The following ATP6V1H variants were observed in gnomAD, a reference collection of about 807,000 sequenced individuals.
ATP6V1H encodes ATPase H+ transporting V1 subunit H, also known as V-type proton ATPase subunit H.
Under a neutral mutation model 71.7 loss-of-function variants are expected in ATP6V1H, and 39 were observed. The observed-to-expected ratio is 0.54, with a 90% CI of 0.42 to 0.71. The LOEUF (loss-of-function observed/expected upper bound fraction) is 0.71. Ranked by LOEUF, ATP6V1H falls within the 30% of genes least tolerant of loss-of-function variation. The pLI, the probability that ATP6V1H is intolerant of heterozygous loss-of-function variation, is 0.00. For missense variants in ATP6V1H, 509 were observed against 594.9 expected, an observed-to-expected ratio of 0.86 and a Z score of 1.50; for synonymous variants, 192 against 199.3, an observed-to-expected ratio of 0.96 and a Z score of 0.31.
intron 9 of ATP6V1H, among the ~76,000 whole-genome samples, chr8:53,786,238 C>T (rs75359312): frequency 6.6e-6 from 1 of 152,206 alleles, no homozygotes; most frequent in African/African-American, 2.4e-5. Context: ...TCGGCAATGG[C>T]GGGCACCCCT....
At position 53,767,958 on chromosome 8, in the gene ATP6V1H, C is replaced by T. The variant is rs193174709; in HGVS notation, c.1175+1660G>A. On this transcript the variant is annotated intron_variant, in intron 11 of 13. Coordinates refer to ENST00000359530, the MANE Select transcript of ATP6V1H (RefSeq NM_015941.4). Reference sequence around the variant, plus strand: ...ATTAGACTTGATCGAAATTTTAAAACTTTTGTGCTTCAAAGGACACTATCA... The same window carrying T: ...ATTAGACTTGATCGAAATTTTAAAATTTTTGTGCTTCAAAGGACACTATCA... Among the ~76,000 whole-genome samples, 334 of 152,252 alleles carry T rather than the reference C, an allele frequency of 2.2e-3. 2 individuals carry two copies. The highest frequency in any genetic ancestry group is 7.8e-3 in the African/African-American group (323 of 41,558).
intron 9 of ATP6V1H, among the ~76,000 whole-genome samples, chr8:53,792,420 A>G (rs909570942): frequency 6.6e-6 from 1 of 152,092 alleles, no homozygotes; most frequent in Non-Finnish European, 1.5e-5. Flanking sequence ...CACACTGAAC[A>G]CCACTCCTCC....
intron 3 of ATP6V1H, among the ~76,000 whole-genome samples, chr8:53,830,795 C>T (rs1357159931): frequency 6.6e-6 from 1 of 152,178 alleles, no homozygotes; most frequent in Non-Finnish European, 1.5e-5. Context: ...AGGGAAAAGT[C>T]TTGTCTTATT....
intron 13 of ATP6V1H, among the ~76,000 whole-genome samples, chr8:53,738,402 G>T (rs762852202): frequency 1.3e-5 from 2 of 152,022 alleles, no homozygotes; most frequent in African/African-American, 2.4e-5. Flanking sequence ...AGAAGGAAGA[G>T]AAAGCAATGA....
At chr8:53,765,124 C>T (rs138650566) in intron 11 of ATP6V1H, among the ~76,000 whole-genome samples, 2 of 151,980 alleles carry the variant, frequency 1.3e-5, no homozygotes, top group East Asian at 3.9e-4. Context: ...CGGGGGAAGG[C>T]CAGGCATGGT....
At chr8:53,779,373 C>T (rs1809012545) in intron 9 of ATP6V1H, among the ~76,000 whole-genome samples, 1 of 151,820 alleles carries the variant, frequency 6.6e-6, no homozygotes, top group Non-Finnish European at 1.5e-5. Context: ...AGACCAGTAA[C>T]TTTCTAATTT....
intron 13 of ATP6V1H, among the ~76,000 whole-genome samples, chr8:53,727,083 G>A (rs1563437715): frequency 6.6e-6 from 1 of 152,188 alleles, no homozygotes; most frequent in African/African-American, 2.4e-5. Context: ...CTAGTAGAAG[G>A]AGTATCGGCA....
intron 12 of ATP6V1H, among the ~76,000 whole-genome samples, chr8:53,747,328 C>T (rs1384532245): frequency 6.6e-6 from 1 of 152,086 alleles, no homozygotes; most frequent in Non-Finnish European, 1.5e-5. Flanking sequence ...GCAATATACC[C>T]TCTAGAGTTA....
chr8:53,729,662 G>GATATC (rs1306612936), intron 13 of ATP6V1H, among the ~76,000 whole-genome samples: 2 of 152,176 alleles, frequency 1.3e-5, no homozygotes, highest in Non-Finnish European at 2.9e-5. Context: ...CCCTATCTGG[G>GATATC]GATATTACAT....
intron 3 of ATP6V1H, chr8:53,832,354 G>A (rs1358498626): frequency 2.6e-5 from 4 of 151,936 alleles, no homozygotes; most frequent in Non-Finnish European, 2.9e-5. Context: ...AACTTACCAT[G>A]AAAGAATGTA....
At chr8:53,746,188 T>C (rs1807597102) in intron 12 of ATP6V1H, among the ~76,000 whole-genome samples, 1 of 152,206 alleles carries the variant, frequency 6.6e-6, no homozygotes, top group African/African-American at 2.4e-5. Flanking sequence ...GTTTTTGACA[T>C]TCTAAACCCT....
intron 4 of ATP6V1H, among the ~76,000 whole-genome samples, chr8:53,821,015 A>G (rs1242974447): frequency 1.3e-5 from 2 of 150,740 alleles, no homozygotes; most frequent in Admixed American, 6.6e-5. Flanking sequence ...AAAAGAAAAG[A>G]AAGGAAGGAA....
intron 9 of ATP6V1H, among the ~76,000 whole-genome samples, chr8:53,780,532 T>TC (rs1417687904): frequency 2.0e-5 from 3 of 152,128 alleles, no homozygotes; most frequent in Non-Finnish European, 4.4e-5. Flanking sequence ...TATTTTTTTT[T>TC]CTTTTTTTTA....
rs151052742 is a variant in ATP6V1H, at chr8:53,817,872, G to A, written c.307-342C>T. Among the ~76,000 whole-genome samples, 554 of 152,128 alleles carry A rather than the reference G, an allele frequency of 3.6e-3. 4 individuals carry two copies. The highest frequency in any genetic ancestry group is 8.2e-3 in the African/African-American group (342 of 41,502). ...AAGTGTGAACACCTGGCTGCCATAC[G>A]AGGGAAATCAAAATCGGAAAGGGAG... On this transcript the variant is annotated intron_variant, in intron 4 of 13. Transcript: ENST00000359530.
chr8:53,835,225 C>A (rs921400609), intron 2 of ATP6V1H, among the ~76,000 whole-genome samples: 7 of 152,180 alleles, frequency 4.6e-5, no homozygotes, highest in Non-Finnish European at 7.4e-5. Flanking sequence ...GAGCTGGGCC[C>A]TGAGACGAAG....
At chr8:53,803,779 A>AT (rs950903143) in intron 7 of ATP6V1H, among the ~76,000 whole-genome samples, 15 of 151,738 alleles carry the variant, frequency 9.9e-5, no homozygotes, top group South Asian at 6.2e-4. Flanking sequence ...ATGAAAAAAT[A>AT]TTTTTTTTTC....
Position 53,764,820 on chromosome 8 carries a change from A to C in ATP6V1H, c.1175+4798T>G, listed in dbSNP as rs560818616. Among the ~76,000 whole-genome samples, 3 of 152,328 alleles carry C rather than the reference A, an allele frequency of 2.0e-5. No homozygotes were observed. The South Asian group carries it at 6.2e-4, about 32-fold the overall frequency. On this transcript the variant is annotated intron_variant, in intron 11 of 13. Coordinates refer to ENST00000359530, the MANE Select transcript of ATP6V1H (RefSeq NM_015941.4). ...CAAATTAAAAACACAGCACTAGGCC[A>C]AGCATGGTGGCTCATGCCTATAATC...
intron 9 of ATP6V1H, among the ~76,000 whole-genome samples, chr8:53,785,896 G>C (rs543352711): frequency 6.6e-6 from 1 of 152,288 alleles, no homozygotes; most frequent in South Asian, 2.1e-4. Flanking sequence ...CGTTCCTCTG[G>C]AAGTTTTGTC....
rs796946064 is a variant in ATP6V1H, at chr8:53,765,453, CA to C, written c.1175+4164del. ...GGAGGGTGGTGGACAACAACAACAACAACACACACACACACACACACACACA... is the reference window on the plus strand; with the variant it reads ...GGAGGGTGGTGGACAACAACAACAACACACACACACACACACACACACACA... On this transcript the variant is annotated intron_variant, in intron 11 of 13. Transcript: ENST00000359530. Among the ~76,000 whole-genome samples the C allele has an allele frequency of 4.3e-3, 72 of 16,762 alleles. 5 individuals carry two copies. The highest frequency in any genetic ancestry group is 0.056 in the Middle Eastern group (1 of 18). 11.0% of individuals were successfully genotyped at this position (16,762 alleles called of 152,430 possible).
Sources: allele counts gnomAD v4.1 joint callset (sites outside exome capture counted in the v4.1 genomes callset), GRCh38; gene constraint gnomAD v4.1.1; transcripts MANE v1.5; gene names NCBI Gene and HGNC (gene_info 2026-07-23, HGNC 2026-07-21).